NBAS: variants seen among roughly 807,000 people sequenced by gnomAD.
NBAS encodes the protein NAG/BC035112 fusion.
Under a neutral mutation model 302.5 loss-of-function variants are expected in NBAS, and 219 were observed. The ratio of observed to expected loss-of-function variants is 0.72; its 90% CI spans 0.65 to 0.81. NBAS has a LOEUF of 0.81. NBAS is among the 30% of genes least tolerant of loss of function. The probability of loss-of-function intolerance (pLI) is 0.00; values close to 1 mark genes in which losing one functional copy is unlikely to be tolerated. For missense variants in NBAS, 2,932 were observed against 2,841.6 expected (o/e 1.03, Z -0.72); for synonymous variants, 1,118 against 1,021.6 (o/e 1.09, Z -1.80).
At chr2:15,202,603 G>C (rs1401134688) in intron 48 of NBAS, among the ~76,000 whole-genome samples, 1 of 152,006 alleles carries the variant, frequency 6.6e-6, no homozygotes, top group Non-Finnish European at 1.5e-5. Context: ...GCAATGGCAC[G>C]ATCTTGGCTC....
At chr2:15,121,428 T>C in the NBAS span, among the ~76,000 whole-genome samples, 1 of 152,128 alleles carries the variant, frequency 6.6e-6, no homozygotes, top group Non-Finnish European at 1.5e-5. Flanking sequence ...GCTCTCATAA[T>C]GGGTAGCAAA....
chr2:14,792,221 C>G, the NBAS span, among the ~76,000 whole-genome samples: 1 of 152,180 alleles, frequency 6.6e-6, no homozygotes, highest in Non-Finnish European at 1.5e-5. Context: ...TACAGACACT[C>G]CTCGACTTAC....
chr2:14,968,479 T>G, the NBAS span, among the ~76,000 whole-genome samples: 1 of 152,152 alleles, frequency 6.6e-6, no homozygotes, highest in Non-Finnish European at 1.5e-5. Flanking sequence ...CCAGCTGGAA[T>G]GTAGTAGCTA....
chr2:15,424,563 AG>A, intron 22 of NBAS, 95 bp from the exon 23 acceptor site: 1 of 1,371,718 alleles, frequency 7.3e-7, no homozygotes, highest in African/African-American at 1.4e-5. Context: ...ATGGGGAGAA[AG>A]TAAGAGACAG....
chr2:15,394,705 TCTGTTATAGG>T (rs1229989529), intron 27 of NBAS, among the ~76,000 whole-genome samples: 4 of 152,130 alleles, frequency 2.6e-5, no homozygotes, highest in South Asian at 4.1e-4. Flanking sequence ...TATTGAGTAT[TCTGTTATAGG>T]CTGTTATAGG....
intron 6 of NBAS, among the ~76,000 whole-genome samples, chr2:15,543,019 C>T (rs1663925919): frequency 6.6e-6 from 1 of 152,166 alleles, no homozygotes; most frequent in Non-Finnish European, 1.5e-5. Context: ...TGGATTTTTC[C>T]AGTTGCTCGT....
At chr2:15,117,967 C>T in the NBAS span, among the ~76,000 whole-genome samples, 1 of 152,320 alleles carries the variant, frequency 6.6e-6, no homozygotes, top group African/African-American at 2.4e-5. Flanking sequence ...AGCAGCTGGA[C>T]CTGGGCTGCA....
intron 11 of NBAS, among the ~76,000 whole-genome samples, chr2:15,496,000 G>C (rs1331781219): frequency 1.3e-5 from 2 of 151,656 alleles, no homozygotes; most frequent in African/African-American, 2.4e-5. Flanking sequence ...ATTTATAATA[G>C]CCAAAAAGTA....
chr2:15,242,447 C>T (rs936087623), intron 44 of NBAS, among the ~76,000 whole-genome samples: 9 of 151,974 alleles, frequency 5.9e-5, no homozygotes, highest in Admixed American at 2.0e-4. Context: ...TTTGACTAGG[C>T]GTTTTACTTA....
At chr2:14,872,455 T>G in the NBAS span, among the ~76,000 whole-genome samples, 1 of 152,134 alleles carries the variant, frequency 6.6e-6, no homozygotes, top group Admixed American at 6.6e-5. Context: ...TGGGTTCCAG[T>G]GATTCTCCTG....
At chr2:15,291,857 G>A (rs573807617) in intron 41 of NBAS, among the ~76,000 whole-genome samples, 16 of 151,530 alleles carry the variant, frequency 1.1e-4, no homozygotes, top group African/African-American at 3.2e-4. Flanking sequence ...CCCATTTTTC[G>A]CCCCTGATCA....
intron 19 of NBAS, 37 bp from the exon 20 acceptor site, chr2:15,461,828 A>T (rs755508584): frequency 3.3e-6 from 4 of 1,210,382 alleles, no homozygotes; most frequent in Non-Finnish European, 3.7e-6. Flanking sequence ...TTTAATGAAA[A>T]GGCTTTTAAA....
intron 21 of NBAS, among the ~76,000 whole-genome samples, chr2:15,447,299 G>T (rs981477935): frequency 2.0e-5 from 3 of 152,156 alleles, no homozygotes; most frequent in African/African-American, 7.2e-5. Context: ...GTTTTTAAAA[G>T]TCAATGTACA....
intron 32 of NBAS, 86 bp downstream of exon 32, chr2:15,366,494 T>TA: frequency 7.7e-7 from 1 of 1,292,044 alleles, no homozygotes; most frequent in South Asian, 1.2e-5. Context: ...TCTGACGCTG[T>TA]AAGCACATAT....
intron 44 of NBAS, among the ~76,000 whole-genome samples, chr2:15,266,589 T>C (rs1395445591): frequency 2.0e-5 from 3 of 152,154 alleles, no homozygotes; most frequent in African/African-American, 7.2e-5. Flanking sequence ...AAATATAATA[T>C]TTATTAAAGG....
chr2:15,144,067 A>G, the NBAS span, among the ~76,000 whole-genome samples: 1 of 115,828 alleles, frequency 8.6e-6, no homozygotes, highest in African/African-American at 3.4e-5. Context: ...ATATATATAT[A>G]TCTCCCATTA....
intron 51 of NBAS, among the ~76,000 whole-genome samples, chr2:15,176,662 CT>C (rs1479632719): frequency 6.6e-6 from 1 of 152,150 alleles, no homozygotes; most frequent in East Asian, 1.9e-4. Context: ...TTGAGTATTC[CT>C]AATCAGAAAA....
At chr2:15,300,590 T>C (rs1015710284) in intron 40 of NBAS, among the ~76,000 whole-genome samples, 4 of 152,210 alleles carry the variant, frequency 2.6e-5, no homozygotes, top group Admixed American at 1.3e-4. Flanking sequence ...TGTCCTGACA[T>C]GCAGCACTTG....
At chr2:15,520,002 A>C (rs866065629) in intron 9 of NBAS, among the ~76,000 whole-genome samples, 5 of 152,336 alleles carry the variant, frequency 3.3e-5, no homozygotes, top group South Asian at 2.1e-4. Flanking sequence ...TTCTTAGTTC[A>C]CTAATGAAAT....
Sources: gnomAD v4.1 joint callset for allele counts (sites outside exome capture counted in the v4.1 genomes callset) on GRCh38, gnomAD v4.1.1 for gene constraint, MANE v1.5 for transcripts, NCBI Gene and HGNC (gene_info 2026-07-23, HGNC 2026-07-21) for gene names.